The following ANXA3 variants were observed in gnomAD, a reference collection of about 807,000 sequenced individuals.
ANXA3 encodes the protein annexin A3, also known as 35-alpha calcimedin.
A neutral mutation model predicts 48.8 loss-of-function variants in ANXA3; 46 were observed. The ratio of observed to expected loss-of-function variants is 0.94; its 90% confidence interval spans 0.74 to 1.21. ANXA3 has a LOEUF of 1.21. Among genes scored for constraint, ANXA3 ranks in the 50% most tolerant of loss-of-function variants. The pLI, the probability that ANXA3 is intolerant of heterozygous loss-of-function variation, is 0.00. For synonymous variants in ANXA3, 128 were observed against 134.7 expected, an observed-to-expected ratio of 0.95 and a Z score of 0.35; for missense variants, 383 against 378.6, an observed-to-expected ratio of 1.01 and a Z score of -0.10.
intron 3 of ANXA3, among the ~76,000 whole-genome samples, chr4:78,578,299 G>A (rs1173279143): frequency 1.1e-4 from 2 of 18,238 alleles, no homozygotes; most frequent in Admixed American, 1.3e-3. Context: ...GAGAGAGAGC[G>A]AGAGAGAGAG....
intron 7 of ANXA3, among the ~76,000 whole-genome samples, chr4:78,592,061 A>G (rs2867461): frequency 0.59 from 89,787 of 151,982 alleles, 26,869 homozygotes; most frequent in Middle Eastern, 0.67. Context: ...TAGAGATGGG[A>G]ATTAAATTGA....
intron 6 of ANXA3, among the ~76,000 whole-genome samples, chr4:78,589,597 T>C (rs767763256): frequency 2.2e-4 from 33 of 152,316 alleles, no homozygotes; most frequent in Non-Finnish European, 4.0e-4. Flanking sequence ...TACCACATGG[T>C]GTTTGTCTAC....
intron 2 of ANXA3, among the ~76,000 whole-genome samples, chr4:78,566,609 C>A (rs1289848227): frequency 7.6e-6 from 1 of 131,310 alleles, no homozygotes; most frequent in Non-Finnish European, 1.5e-5. Context: ...GGGAGCTAAA[C>A]AATGGGTACA....
At chr4:78,594,955 G>A (rs1265268875) in intron 7 of ANXA3, among the ~76,000 whole-genome samples, 2 of 152,068 alleles carry the variant, frequency 1.3e-5, no homozygotes, top group African/African-American at 2.4e-5. Context: ...GCAACATAGC[G>A]AGATCCCATC....
At chr4:78,589,840 G>T (rs1723254138) in intron 6 of ANXA3, among the ~76,000 whole-genome samples, 1 of 152,318 alleles carries the variant, frequency 6.6e-6, no homozygotes, top group South Asian at 2.1e-4. Flanking sequence ...GCACAATAGA[G>T]TCTAAATAAA....
chr4:78,564,891 T>A (rs1722697607), intron 2 of ANXA3, among the ~76,000 whole-genome samples: 1 of 152,022 alleles, frequency 6.6e-6, no homozygotes, highest in Non-Finnish European at 1.5e-5. Context: ...ATAAGAGTCA[T>A]GAAGGTGGTT....
intron 10 of ANXA3, among the ~76,000 whole-genome samples, chr4:78,598,578 T>C (rs1329828076): frequency 6.6e-6 from 1 of 152,136 alleles, no homozygotes; most frequent in African/African-American, 2.4e-5. Flanking sequence ...CTCGCTCGGT[T>C]GCCCAAGCTG....
Position 78,588,326 on chromosome 4 carries a change from G to A in ANXA3, c.403+1976G>A, listed in dbSNP as rs542019675. ...GAGGATCACTTGAGTCTAAGAGATTGAGGCCACAGTAAGCCTTGATCATGC... is the reference window on the plus strand; with the variant it reads ...GAGGATCACTTGAGTCTAAGAGATTAAGGCCACAGTAAGCCTTGATCATGC... On this transcript the variant is annotated intron_variant, in intron 6 of 12. Transcript: ENST00000264908. 3.9e-5 allele frequency among the ~76,000 whole-genome samples: 6 copies of A among 152,238 alleles called. No individual in the cohort carries two copies. In the East Asian group the frequency reaches 9.7e-4, roughly 25 times the overall value.
chr4:78,586,404 T>C, intron 6 of ANXA3, 54 bp downstream of exon 6: 1 of 1,365,382 alleles, frequency 7.3e-7, no homozygotes, highest in Non-Finnish European at 1.0e-6. Context: ...TGAGCCAATG[T>C]TGCTTTTCCT....
chr4:78,582,195 A>G lies in ANXA3; in HGVS notation c.217A>G (p.Lys73Glu), dbSNP rs138146773. ...AYGKELKDDL[K>E]GDLSGHFEHL... ...ATTTTAGGAGCTGAAAGATGACTTG[A>G]AGGGTGATCTCTCTGGCCACTTTGA... The change falls in exon 5 of 13, where the codon AAG becomes GAG. Residue 73 changes from lysine (K) to glutamate (E), a missense_variant. Physicochemically the swap from Lys to Glu is moderately conservative, Grantham distance 56 (BLOSUM62 1). Transcript: ENST00000264908. 2.2e-4 allele frequency: 354 copies of G among 1,612,336 alleles called. 2 individuals are homozygous for G. The Admixed American group carries it at 5.9e-3, about 27-fold the overall frequency.
intron 12 of ANXA3, among the ~76,000 whole-genome samples, chr4:78,609,845 CTAAA>C (rs1723721484): frequency 6.6e-6 from 1 of 152,052 alleles, no homozygotes; most frequent in African/African-American, 2.4e-5. Flanking sequence ...CAGGAAGAAT[CTAAA>C]TATTACTTAC....
At chr4:78,595,736 C>A in intron 8 of ANXA3, 58 bp from the exon 9 acceptor site, 2 of 1,066,562 alleles carry the variant, frequency 1.9e-6, no homozygotes, top group Non-Finnish European at 1.4e-6. Flanking sequence ...CGATTCTTCT[C>A]ATGTCACCTC....
At chr4:78,563,334 G>A (rs1167331643) in intron 2 of ANXA3, among the ~76,000 whole-genome samples, 1 of 152,176 alleles carries the variant, frequency 6.6e-6, no homozygotes, top group Non-Finnish European at 1.5e-5. Context: ...GATAGAGTAA[G>A]TGTCCCCAAA....
intron 9 of ANXA3, among the ~76,000 whole-genome samples, chr4:78,596,353 C>T (rs1181852618): frequency 6.6e-6 from 1 of 152,246 alleles, no homozygotes; most frequent in Admixed American, 6.5e-5. Context: ...AATGGATCAA[C>T]TCTTATCGTC....
chr4:78,571,763 G>A (rs1722845420), intron 2 of ANXA3, among the ~76,000 whole-genome samples: 1 of 152,142 alleles, frequency 6.6e-6, no homozygotes, highest in Non-Finnish European at 1.5e-5. Flanking sequence ...TCCTTCTTTA[G>A]TCTCATAAGC....
chr4:78,597,374 A>C lies in ANXA3; in HGVS notation c.690A>C (p.Gly230=), dbSNP rs1371977037. The change falls in exon 10 of 13, where the codon GGA becomes GGC. Residue 230 remains glycine (G), a synonymous_variant. Coordinates refer to ENST00000264908, the MANE Select transcript of ANXA3 (RefSeq NM_005139.3). The stretch of plus-strand genomic sequence containing the variant: ...AGGACATTGTGGACAGCATAAAAGG[A>C]GAATTATCTGGGCATTTTGAAGACT... The part of the protein sequence containing the change: ...SQKDIVDSIK[G]ELSGHFEDLL... 6.2e-7 allele frequency: 1 copy of C among 1,610,786 alleles called. No individual in the cohort carries two copies.
At chr4:78,597,471 C>A in intron 10 of ANXA3, 57 bp downstream of exon 10, 2 of 1,162,536 alleles carry the variant, frequency 1.7e-6, no homozygotes, top group East Asian at 2.4e-5. Context: ...AACTCAGTGC[C>A]GAGGCCTGCT....
At chr4:78,607,575 T>C in intron 12 of ANXA3, among the ~76,000 whole-genome samples, 1 of 152,224 alleles carries the variant, frequency 6.6e-6, no homozygotes, top group Non-Finnish European at 1.5e-5. Flanking sequence ...ACAAATTCTG[T>C]ATTTATTTAA....
intron 6 of ANXA3, 57 bp downstream of exon 6, chr4:78,586,407 C>G: frequency 7.5e-7 from 1 of 1,330,574 alleles, no homozygotes; most frequent in Non-Finnish European, 1.1e-6. Context: ...GCCAATGTTG[C>G]TTTTCCTAGA....
Sources: gnomAD v4.1 joint callset for allele counts (sites outside exome capture counted in the v4.1 genomes callset) on GRCh38, gnomAD v4.1.1 for gene constraint, MANE v1.5 for transcripts, NCBI Gene and HGNC (gene_info 2026-07-23, HGNC 2026-07-21) for gene names.